NPAS3: variants seen among roughly 807,000 people sequenced by gnomAD.
The protein encoded by NPAS3 is neuronal PAS domain protein 3.
NPAS3 carries 14 observed loss-of-function variants against 73.1 expected under a neutral mutation model. The ratio of observed to expected loss-of-function variants is 0.19; its 90% CI spans 0.13 to 0.30. The LOEUF (loss-of-function observed/expected upper bound fraction) is 0.30. Ranked by LOEUF, NPAS3 falls within the 10% of genes least tolerant of loss-of-function variation. The probability of loss-of-function intolerance (pLI) is 1.00; values close to 1 mark genes in which losing one functional copy is unlikely to be tolerated. For missense variants in NPAS3, 1,096 were observed against 1,250.0 expected, an observed-to-expected ratio of 0.88 and a Z score of 1.86; for synonymous variants, 620 against 541.5, an observed-to-expected ratio of 1.14 and a Z score of -2.01.
At chr14:33,033,887 T>C (rs2138363978) in intron 1 of NPAS3, among the ~76,000 whole-genome samples, 1 of 152,342 alleles carries the variant, frequency 6.6e-6, no homozygotes, top group South Asian at 2.1e-4. Context: ...TCCACTGGCC[T>C]TTAGCCTTTG....
At chr14:33,173,553 GA>G (rs1041344180) in intron 2 of NPAS3, among the ~76,000 whole-genome samples, 9 of 152,082 alleles carry the variant, frequency 5.9e-5, no homozygotes, top group African/African-American at 1.4e-4. Context: ...TCAGCTATTT[GA>G]AAAAAAGATG....
chr14:33,747,508 T>C (rs1029851872), intron 7 of NPAS3, among the ~76,000 whole-genome samples: 6 of 152,050 alleles, frequency 3.9e-5, no homozygotes, highest in African/African-American at 1.4e-4. Context: ...ATGAAAAGAG[T>C]GACCTCATCA....
At chr14:33,556,061 T>C (rs988320305) in intron 4 of NPAS3, among the ~76,000 whole-genome samples, 2 of 152,158 alleles carry the variant, frequency 1.3e-5, no homozygotes, top group African/African-American at 4.8e-5. Context: ...AATTGGAACA[T>C]GTGTTGAAGC....
chr14:33,468,025 G>T (rs559212155), intron 4 of NPAS3, among the ~76,000 whole-genome samples: 1 of 152,154 alleles, frequency 6.6e-6, no homozygotes, highest in African/African-American at 2.4e-5. Context: ...CCTAACAGCA[G>T]TAGACACACC....
chr14:32,975,301 C>CCTCCCTTCCTCCCTCA (rs10639233), intron 1 of NPAS3, among the ~76,000 whole-genome samples: 5 of 116,226 alleles, frequency 4.3e-5, no homozygotes, highest in African/African-American at 1.6e-4. Context: ...TCCCTCCCTC[C>CCTCCCTTCCTCCCTCA]CTCCCTGCCT....
chr14:33,795,637 A>T (rs1003151518), intron 10 of NPAS3, among the ~76,000 whole-genome samples: 1 of 152,182 alleles, frequency 6.6e-6, no homozygotes, highest in African/African-American at 2.4e-5. Flanking sequence ...TAGATACTGA[A>T]GTCATCTATG....
intron 4 of NPAS3, among the ~76,000 whole-genome samples, chr14:33,504,032 A>G (rs762920900): frequency 2.6e-5 from 4 of 152,020 alleles, no homozygotes; most frequent in Non-Finnish European, 5.9e-5. Context: ...GTATCAGTGC[A>G]AAACTACAAT....
intron 4 of NPAS3, among the ~76,000 whole-genome samples, chr14:33,490,837 C>A (rs796202213): frequency 6.6e-6 from 1 of 152,200 alleles, no homozygotes; most frequent in East Asian, 1.9e-4. Context: ...TCCTAGAGAG[C>A]CTCAGATGCC....
At chr14:33,284,522 C>G (rs541672857) in intron 3 of NPAS3, among the ~76,000 whole-genome samples, 49 of 152,132 alleles carry the variant, frequency 3.2e-4, no homozygotes, top group African/African-American at 1.2e-3. Context: ...TGTATAGATG[C>G]TTGATTTGAA....
At chr14:33,367,333 T>G (rs2045888859) in intron 4 of NPAS3, 65 bp downstream of exon 4, 1 of 727,784 alleles carries the variant, frequency 1.4e-6, no homozygotes, top group African/African-American at 1.8e-5. Context: ...GTTTAGTCTT[T>G]TTTTTAAAGA....
At chr14:33,229,214 A>C (rs947867820) in intron 3 of NPAS3, among the ~76,000 whole-genome samples, 3 of 152,234 alleles carry the variant, frequency 2.0e-5, no homozygotes, top group Non-Finnish European at 2.9e-5. Context: ...ATCACATACC[A>C]TACTTATAAA....
At chr14:33,723,394 A>G (rs903031101) in intron 6 of NPAS3, among the ~76,000 whole-genome samples, 2 of 152,146 alleles carry the variant, frequency 1.3e-5, no homozygotes, top group Non-Finnish European at 2.9e-5. Flanking sequence ...CAATATTTGG[A>G]TCATACTAAA....
chr14:33,467,938 C>T (rs973385566), intron 4 of NPAS3, among the ~76,000 whole-genome samples: 3 of 152,004 alleles, frequency 2.0e-5, no homozygotes, highest in African/African-American at 4.8e-5. Context: ...AGATGGATAG[C>T]GCGAGCCCCA....
At chr14:33,252,057 CTG>C (rs3057325) in intron 3 of NPAS3, among the ~76,000 whole-genome samples, 68,128 of 144,996 alleles carry the variant, frequency 0.47, 16,274 homozygotes, top group South Asian at 0.64. Flanking sequence ...GTGTGTGTGT[CTG>C]TGTGTGTGTG....
chr14:33,299,078 T>G (rs780566072), intron 3 of NPAS3, among the ~76,000 whole-genome samples: 9 of 152,172 alleles, frequency 5.9e-5, no homozygotes, highest in Non-Finnish European at 1.0e-4. Flanking sequence ...ATTCTTGCCT[T>G]TAAGGCCCCA....
chr14:32,968,772 C>CTTT (rs144725905), intron 1 of NPAS3, among the ~76,000 whole-genome samples: 107 of 146,096 alleles, frequency 7.3e-4, no homozygotes, highest in East Asian at 5.4e-3. Context: ...TACTTTCTTT[C>CTTT]TTTTTTTTTT....
chr14:33,596,925 A>T (rs2057258818), intron 5 of NPAS3, among the ~76,000 whole-genome samples: 1 of 152,214 alleles, frequency 6.6e-6, no homozygotes, highest in South Asian at 2.1e-4. Context: ...AGCAGTGGAC[A>T]GGGGCCAGAT....
intron 3 of NPAS3, among the ~76,000 whole-genome samples, chr14:33,229,090 G>T (rs1426348695): frequency 6.6e-6 from 1 of 152,080 alleles, no homozygotes; most frequent in East Asian, 1.9e-4. Flanking sequence ...ACTCACGATG[G>T]TTTTTCCTCT....
intron 3 of NPAS3, among the ~76,000 whole-genome samples, chr14:33,297,486 G>A (rs2042348744): frequency 6.6e-6 from 1 of 152,028 alleles, no homozygotes; most frequent in Non-Finnish European, 1.5e-5. Flanking sequence ...GTATCTCCCT[G>A]TTACTCTCAT....
Sources: gnomAD v4.1 joint callset for allele counts (sites outside exome capture counted in the v4.1 genomes callset) on GRCh38, gnomAD v4.1.1 for gene constraint, MANE v1.5 for transcripts, NCBI Gene and HGNC (gene_info 2026-07-23, HGNC 2026-07-21) for gene names.